Variants in PDE12 observed in about 807,000 individuals in gnomAD.
PDE12 encodes the protein 2',5'-phosphodiesterase 12.
In PDE12, 26 loss-of-function variants were observed where a neutral mutation model predicts 45.4. The ratio of observed to expected loss-of-function variants is 0.57; its 90% CI spans 0.42 to 0.79. The LOEUF (loss-of-function observed/expected upper bound fraction) is 0.79. Among genes scored for constraint, PDE12 ranks in the 30% least tolerant of loss-of-function variants. PDE12 has a pLI of 0.00. For synonymous variants in PDE12, 283 were observed against 323.9 expected, an observed-to-expected ratio of 0.87 and a Z score of 1.36; for missense variants, 668 against 790.0, an observed-to-expected ratio of 0.85 and a Z score of 1.85.
At chr3:57,602,128 G>T in the PDE12 span, among the ~76,000 whole-genome samples, 4 of 151,984 alleles carry the variant, frequency 2.6e-5, no homozygotes, top group Admixed American at 2.6e-4. Context: ...GCAATAAGTG[G>T]TTACTGAGCA....
the PDE12 span, chr3:57,597,440 G>A: frequency 4.0e-6 from 1 of 251,298 alleles, no homozygotes; most frequent in Admixed American, 5.4e-5. Context: ...CCTCCAACGC[G>A]GACAGAATCG....
chr3:57,610,800 G>A, the PDE12 span, among the ~76,000 whole-genome samples: 2 of 152,088 alleles, frequency 1.3e-5, no homozygotes, highest in African/African-American at 4.8e-5. Flanking sequence ...CGTGAAAATG[G>A]CCATACTGCC....
In PDE12 at chr3:57,557,122, T is replaced by C. The variant is rs747976068; in HGVS notation, c.743T>C (p.Leu248Pro). 2 of 1,614,012 alleles carry C rather than the reference T, an allele frequency of 1.2e-6. No homozygotes were observed. The highest frequency in any genetic ancestry group is 2.2e-5 in the South Asian group (2 of 91,076). Residue 248 changes from leucine to proline, a missense_variant, in exon 1 of 3, where the codon CTT becomes CCT. By Grantham distance (98) the Leu-to-Pro change is moderately conservative. This residue lies in a region of PDE12 where 580 missense variants were observed against 662.9 expected (regional missense o/e 0.87). Transcript: ENST00000311180. Reference protein sequence around the residue: ...SNADIGLRLKLHCTPGDGQRF... With the variant: ...SNADIGLRLKPHCTPGDGQRF... ...GCCGACATCGGGCTAAGGCTCAAGC[T>C]TCACTGCACCCCAGGCGATGGGCAG...
the PDE12 span, among the ~76,000 whole-genome samples, chr3:57,611,683 A>C: frequency 6.6e-6 from 1 of 152,212 alleles, no homozygotes; most frequent in Non-Finnish European, 1.5e-5. Context: ...AACCACAATG[A>C]GATACCATCT....
the PDE12 span, among the ~76,000 whole-genome samples, chr3:57,604,273 CAT>C: frequency 6.6e-6 from 1 of 152,086 alleles, no homozygotes; most frequent in African/African-American, 2.4e-5. Context: ...AGCTACAAAA[CAT>C]AGAAACGAGA....
chr3:57,623,397 G>A, the PDE12 span, among the ~76,000 whole-genome samples: 1 of 150,862 alleles, frequency 6.6e-6, no homozygotes, highest in South Asian at 2.1e-4. Context: ...ATTCACTTAC[G>A]GCTGGGCGTG....
chr3:57,646,419 G>A, the PDE12 span: 3 of 1,613,342 alleles, frequency 1.9e-6, no homozygotes, highest in South Asian at 1.1e-5. Flanking sequence ...TGACTATGAA[G>A]GAAAACTGGG....
At chr3:57,656,441 C>T in the PDE12 span, among the ~76,000 whole-genome samples, 5 of 151,992 alleles carry the variant, frequency 3.3e-5, no homozygotes, top group African/African-American at 1.2e-4. Flanking sequence ...ATGGATACTT[C>T]GGTTGTGTAT....
chr3:57,646,469 T>TCCTGTTTTTAAA, the PDE12 span: 1 of 1,581,222 alleles, frequency 6.3e-7, no homozygotes, highest in African/African-American at 1.4e-5. Context: ...GAAATACTTT[T>TCCTGTTTTTAAA]TAATGTAGCC....
At chr3:57,597,267 GCA>G in the PDE12 span, 2 of 908,850 alleles carry the variant, frequency 2.2e-6, no homozygotes, top group Non-Finnish European at 3.4e-6. Context: ...AAAGAGGGAG[GCA>G]GAAACGTCTC....
the PDE12 span, chr3:57,583,901 G>A: frequency 3.4e-5 from 54 of 1,587,082 alleles, no homozygotes; most frequent in Non-Finnish European, 4.4e-5. Flanking sequence ...CCCTTACCTG[G>A]GTATTCTGGA....
chr3:57,641,937 G>T, the PDE12 span, among the ~76,000 whole-genome samples: 1 of 151,976 alleles, frequency 6.6e-6, no homozygotes, highest in African/African-American at 2.4e-5. Context: ...GAAAGGACAC[G>T]GTCCTTCCAG....
chr3:57,620,784 GAC>G, the PDE12 span, among the ~76,000 whole-genome samples: 56 of 152,082 alleles, frequency 3.7e-4, no homozygotes, highest in Admixed American at 1.2e-3. Flanking sequence ...AGATATGAAA[GAC>G]ATGTTGATAA....
the PDE12 span, among the ~76,000 whole-genome samples, chr3:57,594,084 C>T: frequency 1.3e-5 from 2 of 151,966 alleles, no homozygotes; most frequent in Non-Finnish European, 2.9e-5. Context: ...GGTGAAACCC[C>T]GTCTCTACTA....
the PDE12 span, chr3:57,628,050 C>T: frequency 2.1e-6 from 2 of 948,098 alleles, no homozygotes; most frequent in Non-Finnish European, 3.0e-6. Context: ...AAGTAATGCA[C>T]TAAAAAGGTC....
the PDE12 span, among the ~76,000 whole-genome samples, chr3:57,587,319 CAAAAAAAAAA>C: frequency 4.4e-5 from 2 of 45,408 alleles, no homozygotes; most frequent in Non-Finnish European, 9.4e-5. Context: ...AACTCAGTCT[CAAAAAAAAAA>C]AAAAAAAAAA....
the PDE12 span, among the ~76,000 whole-genome samples, chr3:57,572,571 A>G: frequency 6.6e-6 from 1 of 152,104 alleles, no homozygotes; most frequent in Admixed American, 6.5e-5. Flanking sequence ...TTTAGATTAA[A>G]TTATTTTTTA....
rs141980044 is a variant in PDE12, at chr3:57,557,649, G to A, written c.1270G>A (p.Ala424Thr). The change falls in exon 1 of 3, where the codon GCG becomes ACG. Residue 424 changes from alanine to threonine, a missense_variant. By Grantham distance (58) the Ala-to-Thr change is moderately conservative. Transcript: ENST00000311180. Reference protein sequence around the residue: ...LLEKLVLYPSAQEKVLQRSSV... With the variant: ...LLEKLVLYPSTQEKVLQRSSV... ...GGAGAAACTAGTTTTGTACCCATCA[G>A]CGCAGGAGAAGGTGCTCCAGAGATC... 944 of 1,613,976 alleles carry A rather than the reference G, an allele frequency of 5.8e-4. No individual in the cohort carries two copies. Among genetic ancestry groups the A allele is most frequent in the Non-Finnish European group, 7.7e-4 (911 of 1,180,034 alleles).
At chr3:57,646,246 A>G in the PDE12 span, 1 of 1,541,542 alleles carries the variant, frequency 6.5e-7, no homozygotes, top group Non-Finnish European at 8.7e-7. Flanking sequence ...AGTGCTGCAA[A>G]TATCACCAAC....
Sources: gnomAD v4.1 joint callset for allele counts (sites outside exome capture counted in the v4.1 genomes callset) on GRCh38, gnomAD v4.1.1 for gene constraint, gnomAD v4.1.1 regional missense constraint, MANE v1.5 for transcripts, NCBI Gene and HGNC (gene_info 2026-07-23, HGNC 2026-07-21) for gene names.